CERKL: variants seen among roughly 807,000 people sequenced by gnomAD.
CERKL encodes CERK like autophagy regulator.
CERKL carries 61 observed loss-of-function variants against 63.4 expected under a neutral mutation model. The ratio of observed to expected loss-of-function variants is 0.96; its 90% CI spans 0.78 to 1.19. The LOEUF (loss-of-function observed/expected upper bound fraction) is 1.19. CERKL is among the 50% of genes most tolerant of loss of function. CERKL has a pLI of 0.00. For synonymous variants in CERKL, 250 were observed against 230.5 expected (o/e 1.08, Z -0.77); for missense variants, 675 against 655.5 (o/e 1.03, Z -0.33).
chr2:181,627,302 C>T (rs1686751771), intron 1 of CERKL, among the ~76,000 whole-genome samples: 1 of 151,940 alleles, frequency 6.6e-6, no homozygotes, highest in East Asian at 1.9e-4. Context: ...ACTAGGAAAC[C>T]CTCATTAGTA....
At chr2:181,648,406 CA>C (rs200190747) in intron 1 of CERKL, among the ~76,000 whole-genome samples, 4 of 149,004 alleles carry the variant, frequency 2.7e-5, no homozygotes, top group East Asian at 2.0e-4. Flanking sequence ...GCTAAAAGAA[CA>C]AAAAAAAACG....
chr2:181,607,999 C>A (rs940889711), intron 1 of CERKL, among the ~76,000 whole-genome samples: 2 of 151,888 alleles, frequency 1.3e-5, no homozygotes, highest in Admixed American at 6.6e-5. Flanking sequence ...CTTTTCATTT[C>A]TTTTTCTTTA....
intron 3 of CERKL, among the ~76,000 whole-genome samples, chr2:181,568,825 T>C (rs1208701212): frequency 6.7e-6 from 1 of 148,920 alleles, no homozygotes; most frequent in Non-Finnish European, 1.5e-5. Flanking sequence ...CCCGATGCTA[T>C]CCCTCCCCCC....
intron 1 of CERKL, among the ~76,000 whole-genome samples, chr2:181,652,964 G>A (rs1290477696): frequency 2.0e-5 from 3 of 152,208 alleles, no homozygotes; most frequent in Middle Eastern, 3.4e-3. Flanking sequence ...TAGTACAGAC[G>A]GGGTTTCATC....
intron 2 of CERKL, among the ~76,000 whole-genome samples, chr2:181,590,151 A>G (rs1684932179): frequency 6.6e-6 from 1 of 151,544 alleles, no homozygotes; most frequent in Admixed American, 6.6e-5. Context: ...TATTTATTTA[A>G]TTTTGAGACA....
chr2:181,633,171 A>G (rs1574519859), intron 1 of CERKL, among the ~76,000 whole-genome samples: 1 of 152,236 alleles, frequency 6.6e-6, no homozygotes, highest in Non-Finnish European at 1.5e-5. Flanking sequence ...AAACTGAGCC[A>G]TGAAAGGTGC....
intron 2 of CERKL, among the ~76,000 whole-genome samples, chr2:181,574,883 G>A (rs1440007985): frequency 6.6e-6 from 1 of 152,056 alleles, no homozygotes; most frequent in African/African-American, 2.4e-5. Flanking sequence ...ATTTCAACAG[G>A]ACATACTGTT....
chr2:181,657,034 AG>A lies in CERKL; in HGVS notation c.-29del. ...CGGAGTCGCAGGCTGGGCCCGAGCC[AG>A]GGGTCCGGGGAGGCCTTTGGAGAAG... On this transcript the variant is annotated 5_prime_UTR_variant, in exon 1 of 13. Transcript: ENST00000410087. 1 of 1,557,658 alleles carries A rather than the reference AG, an allele frequency of 6.4e-7. No homozygotes were observed. Among genetic ancestry groups the A allele is most frequent in the South Asian group, 1.1e-5 (1 of 87,052 alleles).
chr2:181,556,871 G>A (rs906439799), intron 5 of CERKL, among the ~76,000 whole-genome samples: 1 of 152,160 alleles, frequency 6.6e-6, no homozygotes, highest in African/African-American at 2.4e-5. Context: ...TAGTGTAAAA[G>A]TGTTCCTATT....
In CERKL at chr2:181,537,240, GA is replaced by G. The variant is rs1352558049; in HGVS notation, c.*943del. On this transcript the variant is annotated 3_prime_UTR_variant, in exon 13 of 13. Transcript: ENST00000410087. ...TGTCTTCTCCAGGATGGTCTCTAAGGAAATTTACATTTGGTTCTTTCCTACT... is the reference window on the plus strand; with the variant it reads ...TGTCTTCTCCAGGATGGTCTCTAAGGAATTTACATTTGGTTCTTTCCTACT... 2 of 453,678 alleles carry G rather than the reference GA, an allele frequency of 4.4e-6. No homozygotes were observed. Among genetic ancestry groups the G allele is most frequent in the Non-Finnish European group, 8.8e-6 (2 of 226,720 alleles). The allele number at this position is 453,678 out of a possible 1,614,324, so 28.1% of individuals were successfully genotyped here. A position where few individuals can be genotyped will look rare whatever the true frequency, so the allele number is the denominator to read the frequency against.
chr2:181,625,645 G>A (rs1686664482), intron 1 of CERKL, among the ~76,000 whole-genome samples: 2 of 152,172 alleles, frequency 1.3e-5, no homozygotes, highest in Admixed American at 1.3e-4. Flanking sequence ...GGACACTGGT[G>A]TAGGAAGAGA....
intron 12 of CERKL, among the ~76,000 whole-genome samples, chr2:181,538,825 G>A (rs534532107): frequency 6.6e-5 from 10 of 152,274 alleles, no homozygotes; most frequent in African/African-American, 1.9e-4. Context: ...GACATTATCT[G>A]TAGTTTATGC....
At chr2:181,630,201 C>CTAA (rs1274084829) in intron 1 of CERKL, among the ~76,000 whole-genome samples, 7 of 151,984 alleles carry the variant, frequency 4.6e-5, no homozygotes, top group Non-Finnish European at 1.0e-4. Flanking sequence ...CCAAGCCCAG[C>CTAA]TAATTCCCCC....
At chr2:181,595,320 G>A (rs1685156626) in intron 2 of CERKL, among the ~76,000 whole-genome samples, 1 of 152,064 alleles carries the variant, frequency 6.6e-6, no homozygotes, top group South Asian at 2.1e-4. Context: ...CAGTCATGAG[G>A]AAACTTTTTT....
intron 1 of CERKL, among the ~76,000 whole-genome samples, chr2:181,645,903 A>T: frequency 6.6e-6 from 1 of 152,246 alleles, no homozygotes; most frequent in East Asian, 1.9e-4. Context: ...TGGTAATAGA[A>T]AGGACAGAGA....
At chr2:181,638,736 G>A (rs1191468922) in intron 1 of CERKL, among the ~76,000 whole-genome samples, 3 of 152,196 alleles carry the variant, frequency 2.0e-5, no homozygotes, top group Non-Finnish European at 4.4e-5. Flanking sequence ...CCCACAGCCT[G>A]TGACAGCACA....
chr2:181,652,171 C>CA (rs56712055), intron 1 of CERKL, among the ~76,000 whole-genome samples: 1,673 of 151,718 alleles, frequency 0.011, 9 homozygotes, highest in Middle Eastern at 0.051. Context: ...TGCAGAACCA[C>CA]AAAAAAAACC....
At chr2:181,557,752 G>A (rs879712759) in intron 5 of CERKL, among the ~76,000 whole-genome samples, 1 of 152,114 alleles carries the variant, frequency 6.6e-6, no homozygotes, top group Non-Finnish European at 1.5e-5. Flanking sequence ...GCATGTAGGA[G>A]CCTCCATGGT....
At chr2:181,597,927 AC>A (rs1685288652) in intron 2 of CERKL, among the ~76,000 whole-genome samples, 1 of 151,980 alleles carries the variant, frequency 6.6e-6, no homozygotes, top group Non-Finnish European at 1.5e-5. Flanking sequence ...ACTTGCCAAA[AC>A]CCCTTTGGGA....
Sources: gnomAD v4.1 joint callset for allele counts (sites outside exome capture counted in the v4.1 genomes callset) on GRCh38, gnomAD v4.1.1 for gene constraint, MANE v1.5 for transcripts, NCBI Gene and HGNC (gene_info 2026-07-23, HGNC 2026-07-21) for gene names.